Variants in PKP3 observed in about 807,000 individuals in gnomAD.
The protein encoded by PKP3 is plakophilin 3.
Under a neutral mutation model 76.5 loss-of-function variants are expected in PKP3, and 66 were observed. The observed-to-expected ratio is 0.86, with a 90% CI of 0.71 to 1.06. The LOEUF is 1.06. PKP3 is among the 50% of genes least tolerant of loss of function. PKP3 has a pLI of 0.00. For missense variants in PKP3, 1,338 were observed against 1,141.0 expected, an observed-to-expected ratio of 1.17 and a Z score of -2.49; for synonymous variants, 638 against 516.5, an observed-to-expected ratio of 1.24 and a Z score of -3.19.
chr11:404,359 G>A lies in PKP3; in HGVS notation c.2358+36G>A. ...CGAGCCCAGGGCAAGCAGGGACCCG[G>A]GTGCAGGGCATGGGACGCCGGGGGA... On this transcript the variant is annotated intron_variant, in intron 12 of 12. Coordinates refer to ENST00000331563, the MANE Select transcript of PKP3 (RefSeq NM_007183.4). This position sits in a 1 kb window ranked among gnomAD's most constrained non-coding sequence, Gnocchi z 4.2. The A allele has an allele frequency of 1.3e-6, 2 of 1,578,530 alleles. No homozygotes were observed. Among genetic ancestry groups the A allele is most frequent in the East Asian group, 2.2e-5 (1 of 44,690 alleles).
upstream of PKP3, among the ~76,000 whole-genome samples, chr11:393,276 C>G (rs1418753776): frequency 6.6e-6 from 1 of 151,912 alleles, no homozygotes; most frequent in Non-Finnish European, 1.5e-5. Flanking sequence ...CCCTCGCTCC[C>G]TCTCCATCCA....
In PKP3 at chr11:403,681, C is replaced by A. The variant is rs766868603; in HGVS notation, c.1987C>A (p.Arg663Ser). Residue 663 changes from arginine to serine, a missense_variant, in exon 10 of 13, where the codon CGT (arginine) becomes AGT (serine). Physicochemically the swap from Arg to Ser is moderately radical, Grantham distance 110. Coordinates refer to ENST00000331563, the MANE Select transcript of PKP3 (RefSeq NM_007183.4). ...QERILNPLLDRVRTADHHQLR... is the reference protein window; with the variant it reads ...QERILNPLLDSVRTADHHQLR... ...GCGTATTCTGAACCCCCTGCTAGAC[C>A]GTGTCAGGACCGCCGACCACCACCA... The A allele has an allele frequency of 1.2e-6, 2 of 1,610,244 alleles. No homozygotes were observed. Among genetic ancestry groups the A allele is most frequent in the East Asian group, 2.2e-5 (1 of 44,868 alleles).
Position 400,385 on chromosome 11 carries a change from C to G in PKP3, c.1500C>G (p.His500Gln). 6.5e-7 allele frequency: 1 copy of G among 1,549,218 alleles called. No homozygotes were observed. Among genetic ancestry groups the G allele is most frequent in the Non-Finnish European group, 8.7e-7 (1 of 1,146,300 alleles). ...QATRQKMREC[H>Q]GLVDALVTSI... ...CTCGCCAGAAGATGCGGGAGTGCCA[C>G]GGGCTGGTGGACGCCCTGGTCACCT... Residue 500 changes from histidine (H) to glutamine (Q), a missense_variant, in exon 7 of 13, where the codon CAC becomes CAG. Physicochemically the swap from His to Gln is conservative, Grantham distance 24. Coordinates refer to ENST00000331563, the MANE Select transcript of PKP3 (RefSeq NM_007183.4).
rs1847067043 is a variant in PKP3, at chr11:397,383, G to A, written c.882G>A (p.Leu294=). Residue 294 remains leucine, a synonymous_variant, in exon 3 of 13, where the codon CTG becomes CTA. Coordinates refer to ENST00000331563, the MANE Select transcript of PKP3 (RefSeq NM_007183.4). The part of the protein sequence containing the change: ...LSLSLADSGH[L]PDVHGFNSYG... ...TCAGCCTGGCTGACTCGGGCCACCT[G>A]CCGGACGTGCATGGGTTCAACAGCT... is the stretch of plus-strand genomic sequence containing the variant. 1 of 1,609,782 alleles carries A rather than the reference G, an allele frequency of 6.2e-7. No individual in the cohort carries two copies. The highest frequency in any genetic ancestry group is 1.1e-5 in the South Asian group (1 of 90,842).
intron 8 of PKP3, 106 bp downstream of exon 8, chr11:400,811 G>GA (rs1172116553): frequency 2.6e-6 from 1 of 378,656 alleles, no homozygotes; most frequent in Non-Finnish European, 3.2e-6. Context: ...CGCTCACCCC[G>GA]CCCCGCTCAC....
chr11:393,230 G>GC (rs1846998660), upstream of PKP3, among the ~76,000 whole-genome samples: 1 of 151,260 alleles, frequency 6.6e-6, no homozygotes, highest in Non-Finnish European at 1.5e-5. Context: ...CCCACCAGGG[G>GC]CCCCCCACTA....
intron 4 of PKP3, 26 bp from the exon 5 acceptor site, chr11:398,966 G>A (rs751501574): frequency 8.6e-6 from 13 of 1,519,106 alleles, no homozygotes; most frequent in Non-Finnish European, 8.9e-6. Flanking sequence ...ATGCGTCTGT[G>A]CACCCCCATA....
At chr11:398,012 C>T (rs1463724440) in intron 4 of PKP3, among the ~76,000 whole-genome samples, 2 of 124,920 alleles carry the variant, frequency 1.6e-5, no homozygotes, top group Non-Finnish European at 3.3e-5. Context: ...CCTCCATACC[C>T]CCACACACAC....
rs2133595909 is a variant in PKP3, at chr11:396,899, T to G, written c.398T>G (p.Leu133Arg). 1.3e-6 allele frequency: 2 copies of G among 1,597,754 alleles called. No homozygotes were observed. Among genetic ancestry groups the G allele is most frequent in the Middle Eastern group, 1.7e-4 (1 of 6,020 alleles). Residue 133 changes from leucine to arginine, a missense_variant, in exon 3 of 13, where the codon CTG (leucine) becomes CGG (arginine). By Grantham distance (102) the Leu-to-Arg change is moderately radical. Coordinates refer to ENST00000331563, the MANE Select transcript of PKP3 (RefSeq NM_007183.4). ...GTGGATCTGAGCTGCAGTCGGAGGC[T>G]GAGTTCAGCCCACAACGGGGGCAGC... The part of the protein sequence containing the change: ...SAVDLSCSRR[L>R]SSAHNGGSAF...
At chr11:396,462 AC>A (rs1847045783) in intron 1 of PKP3, 145 bp from the exon 2 acceptor site, 2 of 575,770 alleles carry the variant, frequency 3.5e-6, no homozygotes, top group Non-Finnish European at 6.1e-6. Flanking sequence ...ATGGGGAGGC[AC>A]TGGCCCTGGT....
rs1029832456 is a variant in PKP3 at position 396,354 on chromosome 11, G to A, written c.233-254G>A. 1.3e-5 allele frequency: 6 copies of A among 454,370 alleles called. No individual in the cohort carries two copies. In the East Asian group the frequency reaches 1.4e-4, roughly 11 times the overall value. 28.1% of individuals were successfully genotyped at this position (454,370 alleles called of 1,614,324 possible). On this transcript the variant is annotated intron_variant, in intron 1 of 12. Coordinates refer to ENST00000331563, the MANE Select transcript of PKP3 (RefSeq NM_007183.4). Reference sequence around the variant, plus strand: ...GCGACCAGGAGGTCAGTGGGTGAGCGTATCTGCCCTCTCGGGTAGAGGAGG... The same window carrying A: ...GCGACCAGGAGGTCAGTGGGTGAGCATATCTGCCCTCTCGGGTAGAGGAGG...
In PKP3 at chr11:397,334, C is replaced by T. The variant is rs777463159; in HGVS notation, c.833C>T (p.Ala278Val). 6.3e-6 allele frequency: 10 copies of T among 1,578,348 alleles called. No individual in the cohort carries two copies. Among genetic ancestry groups the T allele is most frequent in the Admixed American group, 1.8e-5 (1 of 55,200 alleles). ...PGAVLEPVARAPSVRSLSLSL... is the reference protein window; with the variant it reads ...PGAVLEPVARVPSVRSLSLSL... ...GCCGTCCTGGAGCCAGTGGCTCGAG[C>T]GCCATCTGTGCGCAGCCTCAGCCTC... Residue 278 changes from alanine to valine, a missense_variant, in exon 3 of 13, where the codon GCG becomes GTG. By Grantham distance (64) the Ala-to-Val change is moderately conservative. Transcript: ENST00000331563.
At position 397,685 on chromosome 11, in the gene PKP3, C is replaced by T. The variant is rs149716601; in HGVS notation, c.1068+23C>T. ...CAGGTGACCACCCCGACCACCCACT[C>T]GCTGCCCCCTGGTGACCTCCTTCGT... On this transcript the variant is annotated intron_variant, in intron 4 of 12. Transcript: ENST00000331563. The T allele has an allele frequency of 2.0e-4, 329 of 1,605,226 alleles. No individual in the cohort carries two copies. The African/African-American group carries it at 3.2e-3, about 16-fold the overall frequency.
In PKP3 at chr11:399,010, G is replaced by A. The variant is rs141688536; in HGVS notation, c.1087G>A (p.Val363Met). 8.9e-5 allele frequency: 141 copies of A among 1,590,984 alleles called. No individual in the cohort carries two copies. In the African/African-American group the frequency reaches 1.4e-3, roughly 16 times the overall value. The change falls in exon 5 of 13, where the codon GTG becomes ATG. Residue 363 changes from valine to methionine, a missense_variant. By Grantham distance (21) the Val-to-Met change is conservative. Coordinates refer to ENST00000331563, the MANE Select transcript of PKP3 (RefSeq NM_007183.4). ...CCCGCAGGCCCGCAGCCTTCAGGCC[G>A]TGCCTAGGCTGGTGAAGCTCTTCAA... is the stretch of plus-strand genomic sequence containing the variant. ...AKKQARSLQA[V>M]PRLVKLFNHA...
rs1186946480 is a variant in PKP3, at chr11:400,050, T to C, written c.1357T>C (p.Leu453=). 1.9e-6 allele frequency: 3 copies of C among 1,606,080 alleles called. No individual in the cohort carries two copies. The highest frequency in any genetic ancestry group is 2.2e-5 in the South Asian group (2 of 90,260). ...DTLEQLTDLV[L]SPLSGAGGPP... ...GCTGGAGCAGCTCACAGACCTGGTG[T>C]TGAGCCCCCTGTCGGGGGCTGGGGG... Residue 453 remains leucine, a synonymous_variant, in exon 6 of 13, where the codon TTG becomes CTG. Coordinates refer to ENST00000331563, the MANE Select transcript of PKP3 (RefSeq NM_007183.4).
Position 397,574 on chromosome 11 carries a change from A to T in PKP3, c.980A>T (p.Tyr327Phe), listed in dbSNP as rs878973886. The T allele has an allele frequency of 6.2e-7, 1 of 1,612,026 alleles. No homozygotes were observed. The highest frequency in any genetic ancestry group is 2.2e-5 in the East Asian group (1 of 44,890). The stretch of plus-strand genomic sequence containing the variant: ...ATTGACCTGCCCTCAGCAGTCAAGT[A>T]CCTCATGGCTTCAGACCCCAACCTG... ...DDIDLPSAVK[Y>F]LMASDPNLQV... Residue 327 changes from tyrosine (Y) to phenylalanine (F), a missense_variant, in exon 4 of 13, where the codon TAC (tyrosine) becomes TTC (phenylalanine). Tyr to Phe is a conservative substitution (Grantham distance 22). Coordinates refer to ENST00000331563, the MANE Select transcript of PKP3 (RefSeq NM_007183.4).
chr11:404,393 G>A lies in PKP3; in HGVS notation c.2358+70G>A, dbSNP rs956662210. On this transcript the variant is annotated intron_variant, in intron 12 of 12. Coordinates refer to ENST00000331563, the MANE Select transcript of PKP3 (RefSeq NM_007183.4). This position sits in a 1 kb window ranked among gnomAD's most constrained non-coding sequence, Gnocchi z 4.2. ...CATGGGACGCCGGGGGAGGGTCAGT[G>A]AAGAGGCCCATGGGAGGATGGAGAC... The A allele has an allele frequency of 2.0e-6, 3 of 1,494,180 alleles. No homozygotes were observed. Among genetic ancestry groups the A allele is most frequent in the Non-Finnish European group, 2.8e-6 (3 of 1,072,262 alleles). 92.6% of individuals were successfully genotyped at this position (1,494,180 alleles called of 1,614,324 possible). A position where few individuals can be genotyped will look rare whatever the true frequency, so the allele number is the denominator to read the frequency against.
In PKP3 at chr11:404,908, A is replaced by T. The variant is rs1847231741; in HGVS notation, c.*339A>T. ...GGAATAAAGATGGCCATGAACAGTC[A>T]CTGCCCTGTGTCCTTCCATGGCTGG... is the stretch of plus-strand genomic sequence containing the variant. On this transcript the variant is annotated 3_prime_UTR_variant, in exon 13 of 13. Transcript: ENST00000331563. This position sits in a 1 kb window ranked among gnomAD's most constrained non-coding sequence, Gnocchi z 4.2. The T allele has an allele frequency of 5.7e-6, 2 of 353,128 alleles. No individual in the cohort carries two copies. Among genetic ancestry groups the T allele is most frequent in the South Asian group, 5.6e-5 (2 of 35,564 alleles). The allele number at this position is 353,128 out of a possible 1,614,324, so 21.9% of individuals were successfully genotyped here. A position where few individuals can be genotyped will look rare whatever the true frequency, so the allele number is the denominator to read the frequency against.
chr11:399,231 C>T, intron 5 of PKP3, 35 bp downstream of exon 5: 7 of 1,410,352 alleles, frequency 5.0e-6, no homozygotes, highest in Non-Finnish European at 4.8e-6. Flanking sequence ...TGTCCTTCCT[C>T]CACCTGCGCC....
Sources: allele counts gnomAD v4.1 joint callset (sites outside exome capture counted in the v4.1 genomes callset), GRCh38; gene constraint gnomAD v4.1.1; non-coding constraint Gnocchi (gnomAD v3.1); transcripts MANE v1.5; gene names NCBI Gene and HGNC (gene_info 2026-07-23, HGNC 2026-07-21).